SLC25A12: variants seen among roughly 807,000 people sequenced by gnomAD.
SLC25A12 encodes the protein solute carrier family 25 member 12.
SLC25A12 carries 32 observed loss-of-function variants against 83.3 expected under a neutral mutation model. That is an observed-to-expected ratio of 0.38 (90% CI 0.29 to 0.52). The LOEUF (loss-of-function observed/expected upper bound fraction) is 0.52. Among genes scored for constraint, SLC25A12 ranks in the 20% least tolerant of loss-of-function variants. SLC25A12 has a pLI of 0.84. For synonymous variants in SLC25A12, 267 were observed against 291.1 expected (o/e 0.92, Z 0.84); for missense variants, 611 against 835.6 (o/e 0.73, Z 3.31).
intron 13 of SLC25A12, among the ~76,000 whole-genome samples, chr2:171,796,624 C>T (rs1683602236): frequency 6.6e-6 from 1 of 152,032 alleles, no homozygotes; most frequent in South Asian, 2.1e-4. Flanking sequence ...GGCAATGGAG[C>T]AAGACCCCTA....
Position 171,834,708 on chromosome 2 carries a change from G to T in SLC25A12, c.751+19C>A. 1 of 1,610,590 alleles carries T rather than the reference G, an allele frequency of 6.2e-7. No individual in the cohort carries two copies. Among genetic ancestry groups the T allele is most frequent in the Non-Finnish European group, 8.5e-7 (1 of 1,178,920 alleles). On this transcript the variant is annotated intron_variant, in intron 7 of 17. Transcript: ENST00000422440. ...TGAAAATGCTGAGATTCTTATTTAT[G>T]TATATTTTAAAATCTTACCCTTTGT...
intron 15 of SLC25A12, 71 bp from the exon 16 acceptor site, chr2:171,788,018 C>G: frequency 1.3e-6 from 2 of 1,495,912 alleles, no homozygotes; most frequent in Non-Finnish European, 1.8e-6. Flanking sequence ...CTAACATCTA[C>G]TATAGAGCCT....
intron 13 of SLC25A12, among the ~76,000 whole-genome samples, chr2:171,798,678 G>A (rs894274544): frequency 5.3e-5 from 8 of 152,086 alleles, no homozygotes; most frequent in African/African-American, 1.9e-4. Flanking sequence ...ACCACCAACC[G>A]TTCATATTTT....
At chr2:171,804,773 T>C (rs1188648681) in intron 13 of SLC25A12, among the ~76,000 whole-genome samples, 3 of 152,106 alleles carry the variant, frequency 2.0e-5, no homozygotes, top group Non-Finnish European at 4.4e-5. Flanking sequence ...CTGAGGGTGG[T>C]GGCACACACC....
chr2:171,839,577 C>T (rs1684630346), intron 5 of SLC25A12, among the ~76,000 whole-genome samples: 1 of 151,978 alleles, frequency 6.6e-6, no homozygotes. Context: ...CCACCGTCTT[C>T]CAAAATGCCA....
rs141842444 is a variant in SLC25A12 at position 171,868,786 on chromosome 2, G to A, written c.104C>T (p.Thr35Ile). 4.0e-5 allele frequency: 64 copies of A among 1,612,630 alleles called. No homozygotes were observed. Among genetic ancestry groups the A allele is most frequent in the Non-Finnish European group, 5.2e-5 (61 of 1,178,876 alleles). The change falls in exon 3 of 18, where the codon ACC (threonine) becomes ATC (isoleucine). Residue 35 changes from threonine to isoleucine, a missense_variant. Coordinates refer to ENST00000422440, the MANE Select transcript of SLC25A12 (RefSeq NM_003705.5). Reference sequence around the variant, plus strand: ...ATAGCGCTGAACAAAGTCTTCTGGGGTCATATAACGCTCTCCATCAACCTC... The same window carrying A: ...ATAGCGCTGAACAAAGTCTTCTGGGATCATATAACGCTCTCCATCAACCTC... ...STEVDGERYM[T>I]PEDFVQRYLG... is the part of the protein sequence containing the mutation.
At chr2:171,853,204 T>C (rs1259049921) in intron 4 of SLC25A12, among the ~76,000 whole-genome samples, 1 of 152,164 alleles carries the variant, frequency 6.6e-6, no homozygotes, top group Non-Finnish European at 1.5e-5. Context: ...CATAATAATA[T>C]TCCTGTCTCT....
At chr2:171,863,178 C>A (rs748180651) in intron 3 of SLC25A12, among the ~76,000 whole-genome samples, 5 of 152,130 alleles carry the variant, frequency 3.3e-5, no homozygotes, top group Non-Finnish European at 7.3e-5. Flanking sequence ...GCTGAGATTA[C>A]AGGTGTGAGC....
At chr2:171,829,323 T>G (rs552643510) in intron 8 of SLC25A12, among the ~76,000 whole-genome samples, 3 of 152,198 alleles carry the variant, frequency 2.0e-5, no homozygotes, top group Admixed American at 2.0e-4. Flanking sequence ...TGGCCCTATA[T>G]CAAAACCCAA....
intron 13 of SLC25A12, among the ~76,000 whole-genome samples, chr2:171,798,942 C>G (rs1466107650): frequency 6.6e-6 from 1 of 152,146 alleles, no homozygotes; most frequent in Non-Finnish European, 1.5e-5. Context: ...GTGATTAAGT[C>G]ATGATGGTTC....
chr2:171,798,217 A>T (rs887405116), intron 13 of SLC25A12, among the ~76,000 whole-genome samples: 1 of 152,234 alleles, frequency 6.6e-6, no homozygotes, highest in Non-Finnish European at 1.5e-5. Context: ...ACTAAAGCTG[A>T]CAGCAAAAGT....
chr2:171,825,228 G>C (rs1259313534), intron 9 of SLC25A12, among the ~76,000 whole-genome samples: 1 of 152,188 alleles, frequency 6.6e-6, no homozygotes, highest in Non-Finnish European at 1.5e-5. Flanking sequence ...CAAGCAAACA[G>C]TTAAAGTATT....
At chr2:171,869,272 T>C (rs1035316625) in intron 2 of SLC25A12, among the ~76,000 whole-genome samples, 2 of 152,250 alleles carry the variant, frequency 1.3e-5, no homozygotes, top group Non-Finnish European at 2.9e-5. Context: ...TCATACAACA[T>C]GGTAAATATA....
At chr2:171,787,251 G>C (rs965631599) in intron 17 of SLC25A12, among the ~76,000 whole-genome samples, 19 of 152,098 alleles carry the variant, frequency 1.2e-4, no homozygotes, top group African/African-American at 3.6e-4. Flanking sequence ...CTTGAGCCCG[G>C]GAGGTTGAGG....
chr2:171,849,863 G>A (rs1019833782), intron 4 of SLC25A12, among the ~76,000 whole-genome samples: 9 of 151,672 alleles, frequency 5.9e-5, no homozygotes, highest in Non-Finnish European at 8.8e-5. Flanking sequence ...GCCCAGTGGC[G>A]TGATCTTGGC....
chr2:171,798,341 C>T (rs1683640682), intron 13 of SLC25A12, among the ~76,000 whole-genome samples: 1 of 152,138 alleles, frequency 6.6e-6, no homozygotes. Context: ...CAATCCTACC[C>T]CTGGGGCAAG....
intron 5 of SLC25A12, among the ~76,000 whole-genome samples, chr2:171,841,084 TGTTA>T (rs1044816914): frequency 6.6e-6 from 1 of 152,180 alleles, no homozygotes; most frequent in Non-Finnish European, 1.5e-5. Flanking sequence ...TTTGTTTGTT[TGTTA>T]GTTTGTTTTG....
At chr2:171,845,140 T>C (rs1055107170) in intron 4 of SLC25A12, among the ~76,000 whole-genome samples, 11 of 152,130 alleles carry the variant, frequency 7.2e-5, no homozygotes. Context: ...TTAAAATATT[T>C]TAAGATAAGT....
At chr2:171,840,973 A>T (rs1169049820) in intron 5 of SLC25A12, among the ~76,000 whole-genome samples, 1 of 152,242 alleles carries the variant, frequency 6.6e-6, no homozygotes, top group Non-Finnish European at 1.5e-5. Context: ...ACTAGAAAAC[A>T]AAAGAGCAAT....
Sources: allele counts gnomAD v4.1 joint callset (sites outside exome capture counted in the v4.1 genomes callset), GRCh38; gene constraint gnomAD v4.1.1; transcripts MANE v1.5; gene names NCBI Gene and HGNC (gene_info 2026-07-23, HGNC 2026-07-21).